PRR5L: variants seen among roughly 807,000 people sequenced by gnomAD.
The protein encoded by PRR5L is proline-rich protein 5-like.
A neutral mutation model predicts 36.4 loss-of-function variants in PRR5L; 21 were observed. The observed-to-expected ratio is 0.58, with a 90% confidence interval of 0.41 to 0.83. PRR5L has a LOEUF of 0.83. PRR5L is among the 40% of genes least tolerant of loss of function. The probability of loss-of-function intolerance (pLI) is 0.00; values close to 1 mark genes in which losing one functional copy is unlikely to be tolerated. For synonymous variants in PRR5L, 188 were observed against 197.0 expected (o/e 0.95, Z 0.38); for missense variants, 381 against 473.3 (o/e 0.80, Z 1.81).
chr11:36,402,292 G>A (rs980072244), intron 2 of PRR5L, among the ~76,000 whole-genome samples: 3 of 152,292 alleles, frequency 2.0e-5, no homozygotes, highest in Admixed American at 6.5e-5. Context: ...TACCCAGGCT[G>A]GAGTGCAGTG....
intron 4 of PRR5L, among the ~76,000 whole-genome samples, chr11:36,427,877 C>T (rs983502025): frequency 4.6e-5 from 7 of 152,246 alleles, no homozygotes; most frequent in Non-Finnish European, 1.0e-4. Flanking sequence ...GGATGCCAAT[C>T]TCCCCTTCCC....
chr11:36,432,122 C>G (rs1001256499), intron 5 of PRR5L, among the ~76,000 whole-genome samples: 1 of 151,702 alleles, frequency 6.6e-6, no homozygotes, highest in African/African-American at 2.4e-5. Context: ...TGTAGTGGGA[C>G]GGGGTGGTTT....
chr11:36,391,968 A>G (rs542939696), intron 1 of PRR5L, among the ~76,000 whole-genome samples: 1 of 152,112 alleles, frequency 6.6e-6, no homozygotes, highest in African/African-American at 2.4e-5. Context: ...CTCCCACCAC[A>G]ACTACCCCTT....
At chr11:36,310,809 G>A (rs949439817) in intron 1 of PRR5L, among the ~76,000 whole-genome samples, 28 of 151,876 alleles carry the variant, frequency 1.8e-4, no homozygotes, top group Non-Finnish European at 3.1e-4. Flanking sequence ...CCATCCTGGC[G>A]AACATGGTGA....
At chr11:36,362,819 C>T (rs1857105071) in intron 1 of PRR5L, among the ~76,000 whole-genome samples, 1 of 151,990 alleles carries the variant, frequency 6.6e-6, no homozygotes, top group Non-Finnish European at 1.5e-5. Flanking sequence ...GACAGGTAAA[C>T]TGATCACTGT....
intron 6 of PRR5L, among the ~76,000 whole-genome samples, chr11:36,440,375 G>A (rs983223878): frequency 2.6e-5 from 4 of 152,160 alleles, no homozygotes; most frequent in Non-Finnish European, 5.9e-5. Flanking sequence ...TACTGATTCA[G>A]TATGCCCTGC....
At chr11:36,304,972 C>T (rs537747544) in intron 1 of PRR5L, among the ~76,000 whole-genome samples, 1 of 152,194 alleles carries the variant, frequency 6.6e-6, no homozygotes, top group African/African-American at 2.4e-5. Flanking sequence ...CTGTGCATTC[C>T]CCAAAAGGTT....
intron 3 of PRR5L, among the ~76,000 whole-genome samples, chr11:36,416,899 T>TG (rs1858156644): frequency 6.6e-6 from 1 of 152,188 alleles, no homozygotes; most frequent in South Asian, 2.1e-4. Flanking sequence ...GTGAGATGCC[T>TG]GGGGCAACCT....
intron 1 of PRR5L, among the ~76,000 whole-genome samples, chr11:36,374,019 G>T (rs529402066): frequency 2.6e-5 from 4 of 152,196 alleles, no homozygotes; most frequent in Admixed American, 1.3e-4. Flanking sequence ...AAAGTAGGAG[G>T]TGGTAAAAGA....
chr11:36,412,164 G>C (rs1159566491), intron 3 of PRR5L, among the ~76,000 whole-genome samples: 1 of 152,158 alleles, frequency 6.6e-6, no homozygotes, highest in African/African-American at 2.4e-5. Flanking sequence ...TGCAGAGCCA[G>C]GCAGCTCTGG....
intron 7 of PRR5L, among the ~76,000 whole-genome samples, chr11:36,448,355 T>C (rs751327204): frequency 3.3e-5 from 5 of 152,144 alleles, no homozygotes; most frequent in Non-Finnish European, 5.9e-5. Flanking sequence ...CCCAAGTCTG[T>C]ACCCTGGCCT....
Position 36,437,481 on chromosome 11 carries a change from G to A in PRR5L, c.444+5G>A. ...GCAATATTTTATCCAGTTCAGGTTA[G>A]TCTCATTGGGGAACACTTCCTGCCA... On this transcript the variant is annotated splice_donor_5th_base_variant and intron_variant, in intron 6 of 8. Transcript: ENST00000530639. The A allele has an allele frequency of 1.9e-6, 3 of 1,550,368 alleles. No individual in the cohort carries two copies. Among genetic ancestry groups the A allele is most frequent in the Non-Finnish European group, 2.7e-6 (3 of 1,124,862 alleles).
At chr11:36,317,751 GT>G (rs1256278081) in intron 1 of PRR5L, among the ~76,000 whole-genome samples, 1 of 152,154 alleles carries the variant, frequency 6.6e-6, no homozygotes, top group Non-Finnish European at 1.5e-5. Flanking sequence ...GTTCCTGGTG[GT>G]TTTAATTGGC....
At chr11:36,408,295 A>G (rs928192064) in intron 3 of PRR5L, among the ~76,000 whole-genome samples, 2 of 150,386 alleles carry the variant, frequency 1.3e-5, no homozygotes, top group African/African-American at 5.0e-5. Context: ...AAAAAAAAAA[A>G]TCCATCAGAA....
intron 1 of PRR5L, among the ~76,000 whole-genome samples, chr11:36,302,932 C>A (rs983962916): frequency 2.6e-5 from 4 of 152,220 alleles, no homozygotes; most frequent in Non-Finnish European, 4.4e-5. Flanking sequence ...TGCAGATTAG[C>A]ACCTCTATTT....
intron 3 of PRR5L, among the ~76,000 whole-genome samples, chr11:36,412,446 C>G (rs1183377734): frequency 1.3e-5 from 2 of 152,206 alleles, no homozygotes; most frequent in African/African-American, 4.8e-5. Flanking sequence ...CAAGTAATTG[C>G]TTTTCTGTTG....
intron 1 of PRR5L, among the ~76,000 whole-genome samples, chr11:36,328,377 G>A (rs978735223): frequency 1.2e-4 from 19 of 152,052 alleles, no homozygotes; most frequent in Middle Eastern, 3.2e-3. Context: ...TCATGGGGGC[G>A]CATTTACCCC....
intron 1 of PRR5L, among the ~76,000 whole-genome samples, chr11:36,395,321 A>C (rs1038730136): frequency 6.6e-6 from 1 of 152,268 alleles, no homozygotes; most frequent in Non-Finnish European, 1.5e-5. Flanking sequence ...ACGTGTTATT[A>C]GAAGGAAAGA....
At chr11:36,400,115 TG>T (rs1306687220) in intron 1 of PRR5L, among the ~76,000 whole-genome samples, 1 of 152,108 alleles carries the variant, frequency 6.6e-6, no homozygotes, top group East Asian at 1.9e-4. Context: ...CAGGGCGAGT[TG>T]GGTTTAAATA....
Sources: allele counts gnomAD v4.1 joint callset (sites outside exome capture counted in the v4.1 genomes callset), GRCh38; gene constraint gnomAD v4.1.1; transcripts MANE v1.5; gene names NCBI Gene and HGNC (gene_info 2026-07-23, HGNC 2026-07-21).